DAB2: variants seen among roughly 807,000 people sequenced by gnomAD.
The protein encoded by DAB2 is DAB adaptor protein 2.
Under a neutral mutation model 71.6 loss-of-function variants are expected in DAB2, and 28 were observed. That is an observed-to-expected ratio of 0.39 (90% confidence interval 0.29 to 0.54). The LOEUF (loss-of-function observed/expected upper bound fraction) is 0.54, where lower values mean the gene tolerates loss of function less well. Among genes scored for constraint, DAB2 ranks in the 20% least tolerant of loss-of-function variants. The probability of loss-of-function intolerance (pLI) is 0.68; values close to 1 mark genes in which losing one functional copy is unlikely to be tolerated. For synonymous variants in DAB2, 345 were observed against 339.7 expected (o/e 1.02, Z -0.17); for missense variants, 867 against 928.8 (o/e 0.93, Z 0.86).
In DAB2 at chr5:39,395,934, A is replaced by ATTTTTTT. The variant is rs1561373222; in HGVS notation, c.-101-1514_-101-1513insAAAAAAA. 3.0e-3 allele frequency among the ~76,000 whole-genome samples: 97 copies of ATTTTTTT among 32,692 alleles called. 1 individual carries two copies. The highest frequency in any genetic ancestry group is 9.3e-3 in the South Asian group (7 of 752). The allele number at this position is 32,692 out of a possible 152,430, so 21.4% of individuals were successfully genotyped here. On this transcript the variant is annotated intron_variant, in intron 1 of 14. Transcript: ENST00000320816. ...CCAGAGGGAAGGCTAAGACACAGAT[A>ATTTTTTT]TTCTTTTTTTTTTTTTTTTTTTTTT...
At chr5:39,393,683 T>A (rs1489976011) in intron 2 of DAB2, among the ~76,000 whole-genome samples, 1 of 143,282 alleles carries the variant, frequency 7.0e-6, no homozygotes. Flanking sequence ...ACATTTTTCA[T>A]CATAGTTTTT....
intron 1 of DAB2, among the ~76,000 whole-genome samples, chr5:39,423,345 C>G (rs1331539762): frequency 1.1e-3 from 1 of 908 alleles, no homozygotes; most frequent in East Asian, 2.0e-3. Context: ...CTCAAATACT[C>G]CCGAATTCTC....
rs1579911927 is a variant in DAB2, at chr5:39,393,301, C to T, written c.184G>A (p.Asp62Asn). 1.9e-5 allele frequency: 31 copies of T among 1,613,974 alleles called. No homozygotes were observed. Among genetic ancestry groups the T allele is most frequent in the Non-Finnish European group, 2.5e-5 (30 of 1,179,906 alleles). The part of the protein sequence containing the change: ...AKLIGIDDVP[D>N]ARGDKMSQDS... ...TGGCTCATTTTATCCCCTCTTGCAT[C>T]TGGCACATCATCAATGCCAATCAGC... The change falls in exon 3 of 15, where the codon GAT becomes AAT. Residue 62 changes from aspartate to asparagine, a missense_variant. Physicochemically the swap from Asp to Asn is conservative, Grantham distance 23. Around this residue, in one of 2 missense-constraint regions of DAB2, gnomAD observed 127 missense variants for 194.4 expected, o/e 0.65. Transcript: ENST00000320816.
intron 1 of DAB2, among the ~76,000 whole-genome samples, chr5:39,405,192 CAGT>C (rs1309053882): frequency 1.3e-5 from 2 of 152,190 alleles, no homozygotes; most frequent in African/African-American, 4.8e-5. Context: ...AGAAAGAGAG[CAGT>C]GTCAGAATGT....
intron 1 of DAB2, among the ~76,000 whole-genome samples, chr5:39,405,797 C>T (rs1183192649): frequency 6.6e-6 from 1 of 152,076 alleles, no homozygotes; most frequent in African/African-American, 2.4e-5. Context: ...GAGAGATTGG[C>T]AAGGTAATGA....
chr5:39,383,094 T>G lies in DAB2; in HGVS notation c.865A>C (p.Thr289Pro). Residue 289 changes from threonine to proline, a missense_variant, in exon 10 of 15, where the codon ACC (threonine) becomes CCC (proline). Transcript: ENST00000320816. Reference sequence around the variant, plus strand: ...TCACGGAAAGGATCAGGATTAGGGGTGGGAAAGAAGTTGAGATTGGCAGAA... The same window carrying G: ...TCACGGAAAGGATCAGGATTAGGGGGGGGAAAGAAGTTGAGATTGGCAGAA... ...AFSANLNFFP[T>P]PNPDPFRDDP... 6.2e-7 allele frequency: 1 copy of G among 1,613,538 alleles called. No individual in the cohort carries two copies. The highest frequency in any genetic ancestry group is 8.5e-7 in the Non-Finnish European group (1 of 1,179,904).
chr5:39,387,500 G>C (rs1434748665), intron 9 of DAB2, among the ~76,000 whole-genome samples: 1 of 152,106 alleles, frequency 6.6e-6, no homozygotes, highest in Non-Finnish European at 1.5e-5. Flanking sequence ...TAAATTCCAT[G>C]ATGTCATTGA....
At chr5:39,397,676 C>G (rs929083811) in intron 1 of DAB2, among the ~76,000 whole-genome samples, 1 of 152,140 alleles carries the variant, frequency 6.6e-6, no homozygotes, top group East Asian at 1.9e-4. Flanking sequence ...AATGGTAAGG[C>G]TAATCTGTTT....
chr5:39,413,371 G>A (rs1755774371), intron 1 of DAB2, among the ~76,000 whole-genome samples: 1 of 152,046 alleles, frequency 6.6e-6, no homozygotes, highest in South Asian at 2.1e-4. Flanking sequence ...CTTAAAGGTG[G>A]CTTTTTAAAA....
chr5:39,381,321 G>A (rs1049675030), intron 11 of DAB2, 133 bp downstream of exon 11: 1 of 868,380 alleles, frequency 1.2e-6, no homozygotes, highest in African/African-American at 1.7e-5. Context: ...AGTAGAAGTG[G>A]GAGAAGGGCT....
chr5:39,390,374 G>A, intron 5 of DAB2, 70 bp downstream of exon 5: 1 of 1,508,560 alleles, frequency 6.6e-7, no homozygotes, highest in Non-Finnish European at 8.9e-7. Context: ...AAATCTTTTA[G>A]TTGAGTGACA....
At chr5:39,406,881 T>A (rs1158757284) in intron 1 of DAB2, among the ~76,000 whole-genome samples, 1 of 152,144 alleles carries the variant, frequency 6.6e-6, no homozygotes, top group Non-Finnish European at 1.5e-5. Context: ...TAGAAACCTC[T>A]AGAATTTTTC....
rs748583344 is a variant in DAB2, at chr5:39,394,312, G to A, written c.9C>T (p.Asn3=). MS[N]EVETSATNGQ... is the part of the protein sequence containing the mutation. ...CATTGGTTGCACTTGTTTCTACTTC[G>A]TTAGACATGGCAAGAAGGCAGGCAG... Residue 3 remains asparagine (N), a synonymous_variant, in exon 2 of 15, where the codon AAC becomes AAT. Transcript: ENST00000320816. 3.1e-6 allele frequency: 5 copies of A among 1,613,732 alleles called. No homozygotes were observed. The highest frequency in any genetic ancestry group is 3.3e-5 in the Admixed American group (2 of 59,974).
At chr5:39,411,781 C>A (rs983570081) in intron 1 of DAB2, among the ~76,000 whole-genome samples, 1 of 152,160 alleles carries the variant, frequency 6.6e-6, no homozygotes, top group Non-Finnish European at 1.5e-5. Context: ...TGACCAAGCC[C>A]TTCCATTCTC....
chr5:39,386,576 T>G (rs1026158923), intron 9 of DAB2, among the ~76,000 whole-genome samples: 2 of 152,224 alleles, frequency 1.3e-5, no homozygotes, highest in East Asian at 3.8e-4. Flanking sequence ...TTAGTTTAAC[T>G]AAAACTTGAA....
chr5:39,392,988 A>G (rs1314930608), intron 3 of DAB2, among the ~76,000 whole-genome samples: 1 of 152,218 alleles, frequency 6.6e-6, no homozygotes, highest in Non-Finnish European at 1.5e-5. Context: ...AGAAATAGGA[A>G]TACGCTTGGT....
rs149846277 is a variant in DAB2, at chr5:39,395,574, A to G, written c.-101-1153T>C. 1.6e-3 allele frequency among the ~76,000 whole-genome samples: 243 copies of G among 152,362 alleles called. 2 individuals are homozygous for G. Among genetic ancestry groups the G allele is most frequent in the African/African-American group, 5.6e-3 (232 of 41,586 alleles). ...TTTACAGATGTCAACATGTTTTCAT[A>G]GGGGTCAGTACTTAATTTCTCCCAC... On this transcript the variant is annotated intron_variant, in intron 1 of 14. Coordinates refer to ENST00000320816, the MANE Select transcript of DAB2 (RefSeq NM_001343.4).
chr5:39,374,971 C>A, intron 14 of DAB2, 43 bp downstream of exon 14: 1 of 1,289,440 alleles, frequency 7.8e-7, no homozygotes, highest in South Asian at 1.2e-5. Context: ...CACCCTTTCT[C>A]ACAAAAACCC....
rs1352839987 is a variant in DAB2, at chr5:39,388,252, T to A, written c.687+53A>T. ...CTTAAGATTTCTGGTTATTGCCAAT[T>A]TGAGTTATAGATGTCATTTTATTAC... is the stretch of plus-strand genomic sequence containing the variant. On this transcript the variant is annotated intron_variant, in intron 9 of 14. Coordinates refer to ENST00000320816, the MANE Select transcript of DAB2 (RefSeq NM_001343.4). 9.1e-6 allele frequency: 12 copies of A among 1,321,374 alleles called. No homozygotes were observed. In the South Asian group the frequency reaches 1.5e-4, roughly 17 times the overall value. The allele number at this position is 1,321,374 out of a possible 1,614,324, so 81.9% of individuals were successfully genotyped here.
Sources: gnomAD v4.1 joint callset for allele counts (sites outside exome capture counted in the v4.1 genomes callset) on GRCh38, gnomAD v4.1.1 for gene constraint, gnomAD v4.1.1 regional missense constraint, MANE v1.5 for transcripts, NCBI Gene and HGNC (gene_info 2026-07-23, HGNC 2026-07-21) for gene names.